The following ANKRD44 variants were observed in gnomAD, a reference collection of about 807,000 sequenced individuals.
The protein encoded by ANKRD44 is serine/threonine-protein phosphatase 6 regulatory ankyrin repeat subunit B.
A neutral mutation model predicts 116.0 loss-of-function variants in ANKRD44; 35 were observed. The ratio of observed to expected loss-of-function variants is 0.30; its 90% CI spans 0.23 to 0.40. The LOEUF is 0.40. Ranked by LOEUF, ANKRD44 falls within the 10% of genes least tolerant of loss-of-function variation. The pLI is 1.00. For missense variants in ANKRD44, 1,014 were observed against 1,242.6 expected, an observed-to-expected ratio of 0.82 and a Z score of 2.77; for synonymous variants, 435 against 461.8, an observed-to-expected ratio of 0.94 and a Z score of 0.74.
At chr2:197,056,498 T>C (rs1409114770) in intron 16 of ANKRD44, among the ~76,000 whole-genome samples, 1 of 152,190 alleles carries the variant, frequency 6.6e-6, no homozygotes, top group East Asian at 1.9e-4. Flanking sequence ...TGATATCTTT[T>C]TAAAATTTCA....
At chr2:196,967,354 G>A (rs2075680773) in exon 22 of ANKRD44, 7 of 460,226 alleles carry the variant, frequency 1.5e-5, no homozygotes, top group South Asian at 9.4e-5. Context: ...GCGTTCTGTG[G>A]CTGGGATAAA....
At chr2:197,076,602 AG>A (rs2077671643) in intron 16 of ANKRD44, among the ~76,000 whole-genome samples, 1 of 152,104 alleles carries the variant, frequency 6.6e-6, no homozygotes, top group Non-Finnish European at 1.5e-5. Flanking sequence ...TTTGCCACCC[AG>A]GTACTAAGCC....
At chr2:197,024,286 C>T (rs1000884621) in intron 17 of ANKRD44, among the ~76,000 whole-genome samples, 5 of 152,210 alleles carry the variant, frequency 3.3e-5, no homozygotes, top group Non-Finnish European at 5.9e-5. Flanking sequence ...AGCCCCTTCC[C>T]ATTCTTCCTG....
chr2:197,129,282 C>T lies in ANKRD44; in HGVS notation c.262-3245G>A, dbSNP rs545111839. Among the ~76,000 whole-genome samples, 123 of 152,054 alleles carry T rather than the reference C, an allele frequency of 8.1e-4. 1 individual carries two copies. Among genetic ancestry groups the T allele is most frequent in the African/African-American group, 2.8e-3 (118 of 41,480 alleles). The stretch of plus-strand genomic sequence containing the variant: ...CTGAGTAGCTGGGATTATAGGCATG[C>T]GCCACCACGTCCAGCTAATTTTTTT... On this transcript the variant is annotated intron_variant, in intron 4 of 27. Coordinates refer to ENST00000282272, the MANE Select transcript of ANKRD44 (RefSeq NM_001195144.2).
In ANKRD44 at chr2:197,201,999, C is replaced by T. The variant is rs2081101991; in HGVS notation, c.28-14893G>A. ...AATACAATCATAGTTCTTTTGAGAT[C>T]ATGGTTGACTGTCCTGACAAAGGAG... On this transcript the variant is annotated intron_variant, in intron 1 of 27. Transcript: ENST00000282272. The surrounding 1 kb of genome is among the most constrained non-coding windows in gnomAD (Gnocchi z 4.0). Among the ~76,000 whole-genome samples, 1 of 152,210 alleles carries T rather than the reference C, an allele frequency of 6.6e-6. No homozygotes were observed. Among genetic ancestry groups the T allele is most frequent in the Non-Finnish European group, 1.5e-5 (1 of 68,034 alleles).
intron 16 of ANKRD44, among the ~76,000 whole-genome samples, chr2:197,058,038 A>C (rs571950497): frequency 6.6e-6 from 1 of 152,306 alleles, no homozygotes; most frequent in East Asian, 1.9e-4. Flanking sequence ...TATATGCTAA[A>C]TCTGTCAAGA....
chr2:197,006,173 TGGCTCACGCC>T (rs1405782668), intron 20 of ANKRD44, among the ~76,000 whole-genome samples: 1 of 152,204 alleles, frequency 6.6e-6, no homozygotes, highest in Non-Finnish European at 1.5e-5. Flanking sequence ...CCGGGCGTGG[TGGCTCACGCC>T]TGTAATCCCA....
At chr2:197,041,372 C>A (rs1001589839) in intron 16 of ANKRD44, among the ~76,000 whole-genome samples, 1 of 152,124 alleles carries the variant, frequency 6.6e-6, no homozygotes, top group African/African-American at 2.4e-5. Context: ...TTTGTCCCTG[C>A]AGTAGCCAGT....
intron 16 of ANKRD44, among the ~76,000 whole-genome samples, chr2:197,035,597 A>T: frequency 6.6e-6 from 1 of 152,190 alleles, no homozygotes; most frequent in East Asian, 1.9e-4. Context: ...GAGGACATTT[A>T]TGGATCTTCA....
intron 17 of ANKRD44, among the ~76,000 whole-genome samples, chr2:197,021,622 C>A (rs942673540): frequency 6.6e-6 from 1 of 152,098 alleles, no homozygotes; most frequent in Non-Finnish European, 1.5e-5. Context: ...CTGTTCATAT[C>A]CTTTGCCCAC....
chr2:196,977,515 G>A (rs145999038), intron 21 of ANKRD44, among the ~76,000 whole-genome samples: 103 of 152,238 alleles, frequency 6.8e-4, no homozygotes, highest in African/African-American at 2.0e-3. Flanking sequence ...AAAACACAAC[G>A]TGATTTAAAA....
In ANKRD44 at chr2:197,090,011, G is replaced by A; in HGVS notation, c.1122C>T (p.Phe374=). 1 of 1,614,010 alleles carries A rather than the reference G, an allele frequency of 6.2e-7. No individual in the cohort carries two copies. Among genetic ancestry groups the A allele is most frequent in the Non-Finnish European group, 8.5e-7 (1 of 1,179,914 alleles). The change falls in exon 11 of 28, where the codon TTC becomes TTT. Residue 374 remains phenylalanine (F), a synonymous_variant. Transcript: ENST00000282272. The part of the protein sequence containing the change: ...DTAKCGIHSM[F]PLHLAALNAH... ...CATTTAGGGCAGCTAAATGTAAAGG[G>A]AACATGCTATGGATTCCACACCTGA...
chr2:197,105,915 T>C (rs2078415254), intron 9 of ANKRD44, among the ~76,000 whole-genome samples: 1 of 152,104 alleles, frequency 6.6e-6, no homozygotes, highest in Non-Finnish European at 1.5e-5. Flanking sequence ...TGCAGAGAAG[T>C]CTGCCCTGGA....
chr2:197,063,002 G>T (rs1293692633), intron 16 of ANKRD44, among the ~76,000 whole-genome samples: 1 of 152,234 alleles, frequency 6.6e-6, no homozygotes, highest in Non-Finnish European at 1.5e-5. Context: ...GGAGATCTGA[G>T]AATGGACAGA....
At chr2:197,033,382 T>C (rs777583627) in intron 16 of ANKRD44, among the ~76,000 whole-genome samples, 1 of 152,148 alleles carries the variant, frequency 6.6e-6, no homozygotes, top group Non-Finnish European at 1.5e-5. Context: ...TTTTCACTGA[T>C]AAAAGCCGAA....
At chr2:197,161,942 C>G (rs1465091357) in intron 2 of ANKRD44, among the ~76,000 whole-genome samples, 2 of 152,174 alleles carry the variant, frequency 1.3e-5, no homozygotes, top group African/African-American at 4.8e-5. Flanking sequence ...ATCAGACTTC[C>G]ACTTCCTCTA....
intron 10 of ANKRD44, among the ~76,000 whole-genome samples, chr2:197,093,155 T>C (rs2078081908): frequency 1.3e-5 from 2 of 151,770 alleles, no homozygotes; most frequent in Admixed American, 1.3e-4. Context: ...AATAAAAATA[T>C]ATATACACAT....
chr2:197,056,250 A>T (rs2077200625), intron 16 of ANKRD44, among the ~76,000 whole-genome samples: 1 of 152,170 alleles, frequency 6.6e-6, no homozygotes, highest in South Asian at 2.1e-4. Context: ...GCATGTCTGT[A>T]TAAAATTTAA....
chr2:197,284,140 T>C (rs1324398115), intron 1 of ANKRD44, among the ~76,000 whole-genome samples: 1 of 152,212 alleles, frequency 6.6e-6, no homozygotes, highest in East Asian at 1.9e-4. Context: ...ATGGATAAGA[T>C]GGAAAGACAT....
Sources: allele counts gnomAD v4.1 joint callset (sites outside exome capture counted in the v4.1 genomes callset), GRCh38; gene constraint gnomAD v4.1.1; non-coding constraint Gnocchi (gnomAD v3.1); transcripts MANE v1.5; gene names NCBI Gene and HGNC (gene_info 2026-07-23, HGNC 2026-07-21).